The following PDZRN4 variants were observed in gnomAD, a reference collection of about 807,000 sequenced individuals.
PDZRN4 encodes PDZ domain containing ring finger 4, also known as PDZ domain-containing RING finger protein 4.
In PDZRN4, 70 loss-of-function variants were observed where a neutral mutation model predicts 99.0. The ratio of observed to expected loss-of-function variants is 0.71; its 90% CI spans 0.58 to 0.86. The LOEUF is 0.86. Among genes scored for constraint, PDZRN4 ranks in the 40% least tolerant of loss-of-function variants. The pLI is 0.00. For missense variants in PDZRN4, 1,474 were observed against 1,331.2 expected, an observed-to-expected ratio of 1.11 and a Z score of -1.67; for synonymous variants, 551 against 501.6, an observed-to-expected ratio of 1.10 and a Z score of -1.32.
chr12:41,490,478 C>T (rs753447374), intron 3 of PDZRN4, among the ~76,000 whole-genome samples: 76 of 152,052 alleles, frequency 5.0e-4, no homozygotes, highest in Non-Finnish European at 7.6e-4. Context: ...ATTTGGAATG[C>T]CATGTCGATT....
At chr12:41,487,177 GA>G (rs1245363960) in intron 3 of PDZRN4, among the ~76,000 whole-genome samples, 1 of 151,972 alleles carries the variant, frequency 6.6e-6, no homozygotes, top group African/African-American at 2.4e-5. Flanking sequence ...TGAGGTCAGA[GA>G]TTTTGTCTGA....
chr12:41,368,364 C>A (rs1952017289), intron 3 of PDZRN4, among the ~76,000 whole-genome samples: 1 of 152,062 alleles, frequency 6.6e-6, no homozygotes, highest in Non-Finnish European at 1.5e-5. Context: ...TCACTTTCAA[C>A]CATTTCCCCC....
intron 3 of PDZRN4, among the ~76,000 whole-genome samples, chr12:41,217,096 A>G (rs535504067): frequency 9.2e-5 from 14 of 152,102 alleles, no homozygotes; most frequent in South Asian, 2.1e-4. Context: ...CTGATAGGTT[A>G]GAAGCTAGTT....
chr12:41,512,404 C>A (rs1938321470), intron 5 of PDZRN4, among the ~76,000 whole-genome samples: 3 of 151,982 alleles, frequency 2.0e-5, no homozygotes, highest in African/African-American at 7.2e-5. Flanking sequence ...TAATGCAAGA[C>A]TTCTCTCATA....
chr12:41,540,904 G>A (rs534291731), intron 5 of PDZRN4, among the ~76,000 whole-genome samples: 5 of 23,350 alleles, frequency 2.1e-4, no homozygotes, highest in Middle Eastern at 0.03. Context: ...CCTTTTCTTC[G>A]TTGTTGTTGT....
rs545692193 is a variant in PDZRN4, at chr12:41,414,933, C to T, written c.844-91523C>T. Among the ~76,000 whole-genome samples the T allele has an allele frequency of 4.6e-5, 7 of 152,200 alleles. No individual in the cohort carries two copies. In the South Asian group the frequency reaches 1.5e-3, roughly 32 times the overall value. Reference sequence around the variant, plus strand: ...TGAGATAGCAGAGTCAAGGGAAGAGCACATGTGAAGAACTGAATGAAAGCT... The same window carrying T: ...TGAGATAGCAGAGTCAAGGGAAGAGTACATGTGAAGAACTGAATGAAAGCT... On this transcript the variant is annotated intron_variant, in intron 3 of 9. Coordinates refer to ENST00000402685, the MANE Select transcript of PDZRN4 (RefSeq NM_001164595.2).
In PDZRN4 at chr12:41,573,776, A is replaced by T; in HGVS notation, c.2997A>T (p.Arg999Ser). The change falls in exon 10 of 10, where the codon AGA becomes AGT. Residue 999 changes from arginine (R) to serine (S), a missense_variant. Coordinates refer to ENST00000402685, the MANE Select transcript of PDZRN4 (RefSeq NM_001164595.2). ...GTCACAAAAAGATGATGAAAAAGAGAAACAAGAAAATTTTGGACAACTGGA... is the reference window on the plus strand; with the variant it reads ...GTCACAAAAAGATGATGAAAAAGAGTAACAAGAAAATTTTGGACAACTGGA... ...ELSHKKMMKKRNKKILDNWMT... is the reference protein window; with the variant it reads ...ELSHKKMMKKSNKKILDNWMT... The T allele has an allele frequency of 6.2e-7, 1 of 1,613,840 alleles. No homozygotes were observed. Among genetic ancestry groups the T allele is most frequent in the Non-Finnish European group, 8.5e-7 (1 of 1,179,940 alleles).
intron 3 of PDZRN4, among the ~76,000 whole-genome samples, chr12:41,474,603 G>C (rs1393463716): frequency 6.6e-6 from 1 of 152,188 alleles, no homozygotes; most frequent in African/African-American, 2.4e-5. Flanking sequence ...TGTGAAACTG[G>C]GGATCTCAGG....
At position 41,441,970 on chromosome 12, in the gene PDZRN4, A is replaced by C. The variant is rs12316232; in HGVS notation, c.844-64486A>C. The stretch of plus-strand genomic sequence containing the variant: ...TTGATTAACTCTCTCTGATACCGTA[A>C]GAATTTTCCCTCTTAGAATTTGCCA... On this transcript the variant is annotated intron_variant, in intron 3 of 9. Transcript: ENST00000402685. 5.3e-3 allele frequency among the ~76,000 whole-genome samples: 813 copies of C among 152,248 alleles called. 11 individuals carry two copies. Among genetic ancestry groups the C allele is most frequent in the African/African-American group, 0.019 (776 of 41,562 alleles).
intron 3 of PDZRN4, among the ~76,000 whole-genome samples, chr12:41,344,255 T>A (rs1413125317): frequency 6.6e-6 from 1 of 152,156 alleles, no homozygotes; most frequent in Non-Finnish European, 1.5e-5. Context: ...TTAGGCTTAC[T>A]GTTTTTCATA....
In PDZRN4 at chr12:41,281,266, G is replaced by A. The variant is rs182270868; in HGVS notation, c.843+87078G>A. Among the ~76,000 whole-genome samples, 3 of 152,000 alleles carry A rather than the reference G, an allele frequency of 2.0e-5. No individual in the cohort carries two copies. The East Asian group carries it at 5.8e-4, about 29-fold the overall frequency. On this transcript the variant is annotated intron_variant, in intron 3 of 9. Transcript: ENST00000402685. Reference sequence around the variant, plus strand: ...AATCCACAAAGATGAGGAAAAACCAGTGCAAATAGGCTGAAGATTTCAAAA... The same window carrying A: ...AATCCACAAAGATGAGGAAAAACCAATGCAAATAGGCTGAAGATTTCAAAA...
chr12:41,471,565 ATTAT>A (rs1449358473), intron 3 of PDZRN4, among the ~76,000 whole-genome samples: 2 of 149,776 alleles, frequency 1.3e-5, no homozygotes, highest in East Asian at 3.9e-4. Context: ...ATAAATAGTA[ATTAT>A]TTATTCTATA....
chr12:41,438,945 G>C (rs1952654658), intron 3 of PDZRN4, among the ~76,000 whole-genome samples: 2 of 152,136 alleles, frequency 1.3e-5, no homozygotes, highest in Admixed American at 6.6e-5. Flanking sequence ...ACGATGCTTG[G>C]GATGTTGGTG....
chr12:41,541,454 T>C (rs901451854), intron 5 of PDZRN4, among the ~76,000 whole-genome samples: 1 of 151,072 alleles, frequency 6.6e-6, no homozygotes, highest in African/African-American at 2.4e-5. Flanking sequence ...CTAGACTTTT[T>C]TTTTTTTTTT....
intron 3 of PDZRN4, among the ~76,000 whole-genome samples, chr12:41,418,174 A>G (rs982142309): frequency 4.6e-5 from 7 of 152,210 alleles, no homozygotes; most frequent in African/African-American, 1.7e-4. Context: ...TTGACAAACA[A>G]CAAAAGTATA....
chr12:41,545,536 TG>T (rs1938933358), intron 5 of PDZRN4, among the ~76,000 whole-genome samples: 1 of 151,100 alleles, frequency 6.6e-6, no homozygotes. Context: ...TGTGTGTGTG[TG>T]TGTGTGTGTG....
chr12:41,502,120 GC>G (rs1938121135), intron 3 of PDZRN4, among the ~76,000 whole-genome samples: 1 of 151,964 alleles, frequency 6.6e-6, no homozygotes, highest in South Asian at 2.1e-4. Flanking sequence ...TAATGTGTCT[GC>G]TTTTTCATTT....
At chr12:41,527,272 T>C (rs572863390) in intron 5 of PDZRN4, among the ~76,000 whole-genome samples, 2 of 152,292 alleles carry the variant, frequency 1.3e-5, no homozygotes, top group South Asian at 2.1e-4. Context: ...AGGAGAATTA[T>C]GTTACAAGAA....
intron 3 of PDZRN4, among the ~76,000 whole-genome samples, chr12:41,387,961 A>T (rs1212707228): frequency 1.3e-5 from 2 of 152,244 alleles, no homozygotes; most frequent in African/African-American, 4.8e-5. Flanking sequence ...ACTCTATTAT[A>T]TAGATGCATG....
Sources: gnomAD v4.1 joint callset for allele counts (sites outside exome capture counted in the v4.1 genomes callset) on GRCh38, gnomAD v4.1.1 for gene constraint, MANE v1.5 for transcripts, NCBI Gene and HGNC (gene_info 2026-07-23, HGNC 2026-07-21) for gene names.